Variants in SCIN observed in about 807,000 individuals in gnomAD.
The protein encoded by SCIN is adseverin.
Under a neutral mutation model 91.8 loss-of-function variants are expected in SCIN, and 91 were observed. That is an observed-to-expected ratio of 0.99 (90% CI 0.84 to 1.18). The LOEUF is 1.18. Ranked by LOEUF, SCIN falls within the 50% of genes most tolerant of loss-of-function variation. SCIN has a pLI of 0.00. For synonymous variants in SCIN, 367 were observed against 312.6 expected (o/e 1.17, Z -1.84); for missense variants, 1,087 against 863.9 (o/e 1.26, Z -3.24).
chr7:12,637,815 A>G (rs933976896), intron 10 of SCIN, among the ~76,000 whole-genome samples: 5 of 151,842 alleles, frequency 3.3e-5, no homozygotes, highest in South Asian at 2.1e-4. Context: ...ACTTTTTAGT[A>G]TATCTATCTA....
chr7:12,590,452 A>T (rs1017692257), intron 3 of SCIN, among the ~76,000 whole-genome samples: 2 of 151,936 alleles, frequency 1.3e-5, no homozygotes, highest in African/African-American at 4.8e-5. Context: ...AGGGTGAAGG[A>T]GTAGGTATGG....
chr7:12,615,616 C>T (rs562826949), intron 4 of SCIN, among the ~76,000 whole-genome samples: 2 of 152,208 alleles, frequency 1.3e-5, no homozygotes, highest in South Asian at 4.1e-4. Flanking sequence ...AACTGGCTTA[C>T]CCCTTTGTTT....
At chr7:12,602,400 A>T (rs1447143026) in intron 3 of SCIN, among the ~76,000 whole-genome samples, 2 of 152,202 alleles carry the variant, frequency 1.3e-5, no homozygotes, top group Non-Finnish European at 2.9e-5. Flanking sequence ...TGCACGTATT[A>T]TCTTGATAAA....
At chr7:12,636,935 G>T (rs1279188887) in intron 10 of SCIN, among the ~76,000 whole-genome samples, 2 of 151,858 alleles carry the variant, frequency 1.3e-5, no homozygotes, top group Non-Finnish European at 2.9e-5. Context: ...AAAAGAAGGT[G>T]GAAGAGAGTC....
chr7:12,649,243 C>T (rs1018643879), intron 13 of SCIN, among the ~76,000 whole-genome samples: 2 of 152,040 alleles, frequency 1.3e-5, no homozygotes, highest in African/African-American at 4.8e-5. Context: ...TTCACAAATG[C>T]AATGTTTATA....
rs1404664114 is a variant in SCIN, at chr7:12,651,816, A to G, written c.1960-25A>G. 6.9e-7 allele frequency: 1 copy of G among 1,448,834 alleles called. No individual in the cohort carries two copies. The highest frequency in any genetic ancestry group is 9.6e-7 in the Non-Finnish European group (1 of 1,045,270). The allele number at this position is 1,448,834 out of a possible 1,614,324, so 89.7% of individuals were successfully genotyped here. A position where few individuals can be genotyped will look rare whatever the true frequency, so the allele number is the denominator to read the frequency against. ...TGAGTCAACATCCCAGAAATCATAC[A>G]TATTGTTATTGTTTCATTTTTCAGA... On this transcript the variant is annotated intron_variant, in intron 14 of 15. Transcript: ENST00000297029. This position sits in a 1 kb window ranked among gnomAD's most constrained non-coding sequence, Gnocchi z 5.9.
intron 4 of SCIN, among the ~76,000 whole-genome samples, chr7:12,613,872 A>G (rs1347449756): frequency 6.6e-6 from 1 of 152,192 alleles, no homozygotes; most frequent in Non-Finnish European, 1.5e-5. Context: ...GATATCCCAT[A>G]ATCTACTAAT....
chr7:12,605,854 G>C (rs1188162503), intron 4 of SCIN, among the ~76,000 whole-genome samples: 3 of 152,160 alleles, frequency 2.0e-5, no homozygotes, highest in Non-Finnish European at 4.4e-5. Flanking sequence ...TATGATTTTA[G>C]TGTAGTTCTT....
At position 12,571,462 on chromosome 7, in the gene SCIN, A is replaced by G. The variant is rs368317014; in HGVS notation, c.199+477A>G. The G allele has an allele frequency of 8.9e-5, 33 of 369,540 alleles. No individual in the cohort carries two copies. In the East Asian group the frequency reaches 1.5e-3, roughly 17 times the overall value. 22.9% of individuals were successfully genotyped at this position (369,540 alleles called of 1,614,324 possible). A position where few individuals can be genotyped will look rare whatever the true frequency, so the allele number is the denominator to read the frequency against. On this transcript the variant is annotated intron_variant, in intron 1 of 15. Coordinates refer to ENST00000297029, the MANE Select transcript of SCIN (RefSeq NM_001112706.3). ...GAAGTCCTTTTCTTTTTCTTCACAC[A>G]TTATTTTTATTTGTTGCTTTCGGGC...
At chr7:12,578,937 G>C (rs1782433550) in intron 2 of SCIN, among the ~76,000 whole-genome samples, 1 of 53,862 alleles carries the variant, frequency 1.9e-5, no homozygotes, top group Non-Finnish European at 3.3e-5. Flanking sequence ...CATCCTCCTA[G>C]TTAGCTTTCC....
At chr7:12,588,611 C>G (rs1562599235) in intron 3 of SCIN, among the ~76,000 whole-genome samples, 1 of 151,830 alleles carries the variant, frequency 6.6e-6, no homozygotes, top group Admixed American at 6.6e-5. Context: ...GTTAACCTTA[C>G]CACATATCAT....
chr7:12,610,508 T>C (rs976217380), intron 4 of SCIN, among the ~76,000 whole-genome samples: 5 of 152,328 alleles, frequency 3.3e-5, no homozygotes, highest in African/African-American at 1.2e-4. Flanking sequence ...CTCTAACTCA[T>C]TGCCCACTCG....
At chr7:12,649,374 C>A in intron 13 of SCIN, 93 bp from the exon 14 acceptor site, 1 of 656,028 alleles carries the variant, frequency 1.5e-6, no homozygotes, top group Non-Finnish European at 2.4e-6. Flanking sequence ...TTTATTTTCA[C>A]TATACTCAAA....
At chr7:12,618,390 A>T (rs1018863680) in intron 4 of SCIN, among the ~76,000 whole-genome samples, 1 of 152,078 alleles carries the variant, frequency 6.6e-6, no homozygotes, top group Non-Finnish European at 1.5e-5. Context: ...TTTTTATCCA[A>T]ATATGCTTTC....
chr7:12,625,840 A>G lies in SCIN; in HGVS notation c.971A>G (p.Lys324Arg), dbSNP rs1242476422. The G allele has an allele frequency of 5.0e-6, 8 of 1,607,140 alleles. No individual in the cohort carries two copies. The Admixed American group carries it at 1.2e-4, about 24-fold the overall frequency. ...EEFLQQMNYS[K>R]NTQIQVLPEG... ...TTTCTACAGCAAATGAATTATTCCA[A>G]GAATACCCAAGTATGTGTGAAACTG... Residue 324 changes from lysine (K) to arginine (R), a missense_variant, in exon 7 of 16, where the codon AAG becomes AGG. Coordinates refer to ENST00000297029, the MANE Select transcript of SCIN (RefSeq NM_001112706.3).
At chr7:12,641,153 G>T (rs564520439) in intron 11 of SCIN, among the ~76,000 whole-genome samples, 2 of 152,186 alleles carry the variant, frequency 1.3e-5, no homozygotes, top group South Asian at 4.1e-4. Context: ...ACGCTGCCTG[G>T]CATGCTCTGC....
intron 1 of SCIN, 52 bp from the exon 2 acceptor site, chr7:12,578,012 C>T (rs1782410548): frequency 1.4e-6 from 2 of 1,460,004 alleles, no homozygotes; most frequent in South Asian, 1.4e-5. Flanking sequence ...GAAATTCTGC[C>T]TTAATCCTTT....
intron 3 of SCIN, among the ~76,000 whole-genome samples, chr7:12,583,243 C>G (rs915647498): frequency 1.3e-5 from 2 of 152,256 alleles, no homozygotes; most frequent in African/African-American, 4.8e-5. Flanking sequence ...ATTAATGTCT[C>G]TGAGCCTTAA....
intron 3 of SCIN, 150 bp downstream of exon 3, chr7:12,581,371 A>T (rs1244803704): frequency 2.8e-6 from 2 of 725,036 alleles, no homozygotes; most frequent in Non-Finnish European, 4.4e-6. Context: ...AAGTATTTAA[A>T]TGACGCATGA....
Sources: gnomAD v4.1 joint callset for allele counts (sites outside exome capture counted in the v4.1 genomes callset) on GRCh38, gnomAD v4.1.1 for gene constraint, Gnocchi (gnomAD v3.1) non-coding constraint, MANE v1.5 for transcripts, NCBI Gene and HGNC (gene_info 2026-07-23, HGNC 2026-07-21) for gene names.